HSD17B12: variants seen among roughly 807,000 people sequenced by gnomAD.
The protein encoded by HSD17B12 is hydroxysteroid 17-beta dehydrogenase 12, also known as very-long-chain 3-oxoacyl-CoA reductase.
A neutral mutation model predicts 39.3 loss-of-function variants in HSD17B12; 32 were observed. The observed-to-expected ratio is 0.81, with a 90% CI of 0.61 to 1.09. HSD17B12 has a LOEUF of 1.09. Among genes scored for constraint, HSD17B12 ranks in the 50% least tolerant of loss-of-function variants. The probability of loss-of-function intolerance (pLI) is 0.00; values close to 1 mark genes in which losing one functional copy is unlikely to be tolerated. For synonymous variants in HSD17B12, 150 were observed against 146.7 expected (o/e 1.02, Z -0.16); for missense variants, 342 against 382.9 (o/e 0.89, Z 0.89).
the HSD17B12 span, among the ~76,000 whole-genome samples, chr11:43,560,520 T>C: frequency 6.6e-6 from 1 of 152,198 alleles, no homozygotes; most frequent in Non-Finnish European, 1.5e-5. Context: ...ACAGAAAGCA[T>C]GACCTCTGGG....
chr11:43,840,180 T>A, intron 9 of HSD17B12, 116 bp downstream of exon 9: 2 of 726,416 alleles, frequency 2.8e-6, no homozygotes, highest in South Asian at 1.9e-5. Flanking sequence ...AATGTGACAT[T>A]AGCACACCAT....
At chr11:43,616,167 G>A in the HSD17B12 span, among the ~76,000 whole-genome samples, 1 of 152,014 alleles carries the variant, frequency 6.6e-6, no homozygotes, top group African/African-American at 2.4e-5. Flanking sequence ...CAGCATTTTG[G>A]GATGCCAAGG....
At chr11:43,728,261 T>G (rs928075743) in intron 1 of HSD17B12, among the ~76,000 whole-genome samples, 8 of 152,082 alleles carry the variant, frequency 5.3e-5, no homozygotes. Flanking sequence ...AGATGGGGTT[T>G]CACCATGTTG....
At chr11:43,680,311 A>C (rs1380480586), upstream of HSD17B12, among the ~76,000 whole-genome samples, 1 of 152,122 alleles carries the variant, frequency 6.6e-6, no homozygotes, top group African/African-American at 2.4e-5. Flanking sequence ...AGCTCAAGCG[A>C]TTCGCCCGCC....
chr11:43,690,392 A>ATTTTT (rs1565049755), intron 1 of HSD17B12, among the ~76,000 whole-genome samples: 13 of 18,098 alleles, frequency 7.2e-4, no homozygotes, highest in Non-Finnish European at 9.2e-4. Flanking sequence ...ATATATATAT[A>ATTTTT]TATATATATA....
the HSD17B12 span, chr11:43,557,041 A>G: frequency 1.3e-5 from 2 of 152,122 alleles, no homozygotes; most frequent in African/African-American, 4.8e-5. Flanking sequence ...GGAGGAGTAG[A>G]TTTGTATGAC....
chr11:43,690,363 T>TAG (rs1162366658), intron 1 of HSD17B12, among the ~76,000 whole-genome samples: 5 of 14,442 alleles, frequency 3.5e-4, no homozygotes, highest in Non-Finnish European at 5.2e-4. Context: ...TATTCATACA[T>TAG]ATATATATAT....
chr11:43,671,654 T>C, the HSD17B12 span, among the ~76,000 whole-genome samples: 1 of 152,268 alleles, frequency 6.6e-6, no homozygotes, highest in African/African-American at 2.4e-5. Context: ...TTTTTAATCA[T>C]ATATTATTGA....
At chr11:43,828,181 C>T (rs1275263284) in intron 6 of HSD17B12, among the ~76,000 whole-genome samples, 4 of 140,424 alleles carry the variant, frequency 2.8e-5, no homozygotes, top group Admixed American at 7.4e-5. Flanking sequence ...CTCGCTCTGT[C>T]GCCCAGGCTG....
chr11:43,831,038 T>G lies in HSD17B12; in HGVS notation c.536+28T>G, dbSNP rs1008210277. 1.9e-6 allele frequency: 3 copies of G among 1,593,164 alleles called. No homozygotes were observed. Among genetic ancestry groups the G allele is most frequent in the Non-Finnish European group, 2.6e-6 (3 of 1,167,656 alleles). On this transcript the variant is annotated intron_variant, in intron 7 of 10. Coordinates refer to ENST00000278353, the MANE Select transcript of HSD17B12 (RefSeq NM_016142.3). The surrounding 1 kb of genome is among the most constrained non-coding windows in gnomAD (Gnocchi z 4.1). Reference sequence around the variant, plus strand: ...GAGTCACAAGCTCACATACAAACACTGTGGAAGCAGAGCTCATGATTATTT... The same window carrying G: ...GAGTCACAAGCTCACATACAAACACGGTGGAAGCAGAGCTCATGATTATTT...
Position 43,831,035 on chromosome 11 carries a change from C to T in HSD17B12, c.536+25C>T. On this transcript the variant is annotated intron_variant, in intron 7 of 10. Coordinates refer to ENST00000278353, the MANE Select transcript of HSD17B12 (RefSeq NM_016142.3). This position sits in a 1 kb window ranked among gnomAD's most constrained non-coding sequence, Gnocchi z 4.1. ...GGTGAGTCACAAGCTCACATACAAA[C>T]ACTGTGGAAGCAGAGCTCATGATTA... 1 of 1,596,472 alleles carries T rather than the reference C, an allele frequency of 6.3e-7. No homozygotes were observed. The highest frequency in any genetic ancestry group is 2.3e-5 in the East Asian group (1 of 43,988).
chr11:43,792,682 C>CTTTTTT (rs60140879), intron 3 of HSD17B12, among the ~76,000 whole-genome samples: 34 of 101,300 alleles, frequency 3.4e-4, no homozygotes, highest in Non-Finnish European at 4.5e-4. Flanking sequence ...TCAATGTAAC[C>CTTTTTT]TTTTTTTTTT....
chr11:43,637,981 A>T, the HSD17B12 span, among the ~76,000 whole-genome samples: 154 of 152,294 alleles, frequency 1.0e-3, no homozygotes, highest in African/African-American at 3.4e-3. Flanking sequence ...AGTCAAGGGT[A>T]GATCTGCCTC....
At chr11:43,763,544 ATTCATAAGCT>A (rs1950570694) in intron 3 of HSD17B12, among the ~76,000 whole-genome samples, 1 of 150,470 alleles carries the variant, frequency 6.6e-6, no homozygotes, top group African/African-American at 2.4e-5. Context: ...AGACAGTTTA[ATTCATAAGCT>A]TTCTTTGTTG....
intron 7 of HSD17B12, among the ~76,000 whole-genome samples, chr11:43,835,513 T>C (rs1010942365): frequency 1.3e-5 from 2 of 152,096 alleles, no homozygotes; most frequent in African/African-American, 4.8e-5. Context: ...TTTTACACTG[T>C]TGTGTGTGTG....
chr11:43,585,458 G>T, the HSD17B12 span, among the ~76,000 whole-genome samples: 1 of 152,284 alleles, frequency 6.6e-6, no homozygotes, highest in East Asian at 1.9e-4. Flanking sequence ...AGGGAAACTC[G>T]AGGCTTATGG....
chr11:43,714,475 T>C (rs1305544087), intron 1 of HSD17B12, among the ~76,000 whole-genome samples: 4 of 152,342 alleles, frequency 2.6e-5, no homozygotes, highest in Non-Finnish European at 4.4e-5. Context: ...TCTGTTCCAT[T>C]GGTCTGTATC....
At chr11:43,770,028 C>T (rs1290738818) in intron 3 of HSD17B12, among the ~76,000 whole-genome samples, 3 of 152,320 alleles carry the variant, frequency 2.0e-5, no homozygotes, top group South Asian at 2.1e-4. Context: ...GCCTAGCCCT[C>T]TATCCTCAGA....
chr11:43,722,068 A>T (rs1390530282), intron 1 of HSD17B12, among the ~76,000 whole-genome samples: 1 of 152,088 alleles, frequency 6.6e-6, no homozygotes, highest in Non-Finnish European at 1.5e-5. Flanking sequence ...AATATGGGAT[A>T]TGGGAATGGG....
Sources: allele counts gnomAD v4.1 joint callset (sites outside exome capture counted in the v4.1 genomes callset), GRCh38; gene constraint gnomAD v4.1.1; non-coding constraint Gnocchi (gnomAD v3.1); transcripts MANE v1.5; gene names NCBI Gene and HGNC (gene_info 2026-07-23, HGNC 2026-07-21).